Variants in SGSM3 observed in about 807,000 individuals in gnomAD.
SGSM3 encodes small G protein signaling modulator 3.
A neutral mutation model predicts 100.5 loss-of-function variants in SGSM3; 96 were observed. That is an observed-to-expected ratio of 0.96 (90% CI 0.81 to 1.13). The LOEUF (loss-of-function observed/expected upper bound fraction) is 1.13. SGSM3 is among the 50% of genes most tolerant of loss of function. The probability of loss-of-function intolerance (pLI) is 0.00; values close to 1 mark genes in which losing one functional copy is unlikely to be tolerated. For synonymous variants in SGSM3, 483 were observed against 422.8 expected, an observed-to-expected ratio of 1.14 and a Z score of -1.75; for missense variants, 1,001 against 1,015.8, an observed-to-expected ratio of 0.99 and a Z score of 0.20.
Position 40,407,408 on chromosome 22 carries a change from G to A in SGSM3, c.1369-5G>A. 6.2e-7 allele frequency: 1 copy of A among 1,611,572 alleles called. No individual in the cohort carries two copies. The highest frequency in any genetic ancestry group is 8.5e-7 in the Non-Finnish European group (1 of 1,178,670). ...CCCTTGGTGGGCCTGTGTTCACTGT[G>A]GCAGGAGCTGACTCCAGACTATAGC... On this transcript the variant is annotated splice_region_variant and splice_polypyrimidine_tract_variant and intron_variant, in intron 12 of 21. Coordinates refer to ENST00000248929, the MANE Select transcript of SGSM3 (RefSeq NM_015705.6). This position sits in a 1 kb window ranked among gnomAD's most constrained non-coding sequence, Gnocchi z 4.7.
rs1248293618 is a variant in SGSM3 at position 40,407,222 on chromosome 22, T to C, written c.1262T>C (p.Leu421Pro). 1 of 1,613,530 alleles carries C rather than the reference T, an allele frequency of 6.2e-7. No homozygotes were observed. Among genetic ancestry groups the C allele is most frequent in the Non-Finnish European group, 8.5e-7 (1 of 1,179,962 alleles). The part of the protein sequence containing the change: ...LLFGEDDLEA[L>P]KAKNIKQTEL... ...CTAGGGGAGGATGACCTGGAGGCAC[T>C]CAAGGCCAAGAACATCAAGCAGACG... Residue 421 changes from leucine (L) to proline (P), a missense_variant, in exon 12 of 22, where the codon CTC (leucine) becomes CCC (proline). By Grantham distance (98) the Leu-to-Pro change is moderately conservative (BLOSUM62 -3). Coordinates refer to ENST00000248929, the MANE Select transcript of SGSM3 (RefSeq NM_015705.6). The surrounding 1 kb of genome is among the most constrained non-coding windows in gnomAD (Gnocchi z 4.7).
At chr22:40,371,373 C>G (rs2045435798) in intron 1 of SGSM3, among the ~76,000 whole-genome samples, 1 of 152,170 alleles carries the variant, frequency 6.6e-6, no homozygotes, top group South Asian at 2.1e-4. Context: ...TCCAGTCTCA[C>G]GCTGCACGTT....
At chr22:40,395,921 G>C (rs548846082) in intron 1 of SGSM3, among the ~76,000 whole-genome samples, 1 of 152,078 alleles carries the variant, frequency 6.6e-6, no homozygotes, top group African/African-American at 2.4e-5. Flanking sequence ...ATCCACTCTT[G>C]TCTCTCTACA....
chr22:40,407,621 A>G lies in SGSM3; in HGVS notation c.1524+53A>G. ...CCTCAGGCTGTGGCGGGTTCCCCAG[A>G]CTCCCTCCACCAAGCCCCACCCCAA... On this transcript the variant is annotated intron_variant, in intron 13 of 21. Coordinates refer to ENST00000248929, the MANE Select transcript of SGSM3 (RefSeq NM_015705.6). This position sits in a 1 kb window ranked among gnomAD's most constrained non-coding sequence, Gnocchi z 4.7. 1 of 1,583,490 alleles carries G rather than the reference A, an allele frequency of 6.3e-7. No homozygotes were observed. Among genetic ancestry groups the G allele is most frequent in the Non-Finnish European group, 8.6e-7 (1 of 1,168,074 alleles).
chr22:40,391,616 A>G (rs1406777219), intron 1 of SGSM3, among the ~76,000 whole-genome samples: 1 of 152,158 alleles, frequency 6.6e-6, no homozygotes, highest in African/African-American at 2.4e-5. Flanking sequence ...ATCTCAAAAC[A>G]CACCACAAAA....
intron 6 of SGSM3, among the ~76,000 whole-genome samples, chr22:40,404,891 G>T (rs2051246288): frequency 6.6e-6 from 1 of 152,230 alleles, no homozygotes; most frequent in Non-Finnish European, 1.5e-5. Flanking sequence ...TTCAGGAACA[G>T]ATGGGGACTC....
chr22:40,407,599 C>T lies in SGSM3; in HGVS notation c.1524+31C>T. ...TGGGGGCGCTGGACTACCAGGTCCT[C>T]AGGCTGTGGCGGGTTCCCCAGACTC... On this transcript the variant is annotated intron_variant, in intron 13 of 21. Coordinates refer to ENST00000248929, the MANE Select transcript of SGSM3 (RefSeq NM_015705.6). The surrounding 1 kb of genome is among the most constrained non-coding windows in gnomAD (Gnocchi z 4.7). 6.3e-7 allele frequency: 1 copy of T among 1,596,728 alleles called. No homozygotes were observed.
In SGSM3 at chr22:40,407,379, A is replaced by G. The variant is rs201095734; in HGVS notation, c.1369-34A>G. 8.7e-6 allele frequency: 14 copies of G among 1,611,990 alleles called. No individual in the cohort carries two copies. The East Asian group carries it at 2.9e-4, about 33-fold the overall frequency. On this transcript the variant is annotated intron_variant, in intron 12 of 21. Transcript: ENST00000248929. The surrounding 1 kb of genome is among the most constrained non-coding windows in gnomAD (Gnocchi z 4.7). Reference sequence around the variant, plus strand: ...TACCAAACACGGCCCTAACTCCTCCAACCCCCTTGGTGGGCCTGTGTTCAC... The same window carrying G: ...TACCAAACACGGCCCTAACTCCTCCGACCCCCTTGGTGGGCCTGTGTTCAC...
rs1249659525 is a variant in SGSM3, at chr22:40,406,636, G to A, written c.1159G>A (p.Ala387Thr). 1.2e-5 allele frequency: 19 copies of A among 1,607,310 alleles called. No individual in the cohort carries two copies. The highest frequency in any genetic ancestry group is 3.3e-4 in the Middle Eastern group (2 of 5,986). Residue 387 changes from alanine (A) to threonine (T), a missense_variant, in exon 10 of 22, where the codon GCC becomes ACC. Coordinates refer to ENST00000248929, the MANE Select transcript of SGSM3 (RefSeq NM_015705.6). ...TGCAGACCAGGGCCAGCTCCTGGGG[G>A]CCGGCACCCTCACCAACCTCTCTCA... ...LIADQGQLLG[A>T]GTLTNLSQVV...
chr22:40,389,162 A>G (rs2048950571), intron 1 of SGSM3, among the ~76,000 whole-genome samples: 1 of 152,128 alleles, frequency 6.6e-6, no homozygotes, highest in Non-Finnish European at 1.5e-5. Context: ...TAGGAGGAGG[A>G]ACTGGAAAAG....
Position 40,409,666 on chromosome 22 carries a change from G to A in SGSM3, c.2173-16G>A, listed in dbSNP as rs1197896446. ...ATGCCCAAGGCCTGTGAGGTGAGGG[G>A]CTGCCCTGTTTGCAGGCGCAGCAGC... On this transcript the variant is annotated splice_polypyrimidine_tract_variant and intron_variant, in intron 21 of 21. Transcript: ENST00000248929. 1 of 1,613,282 alleles carries A rather than the reference G, an allele frequency of 6.2e-7. No homozygotes were observed. The highest frequency in any genetic ancestry group is 8.5e-7 in the Non-Finnish European group (1 of 1,179,684).
chr22:40,379,955 C>T (rs1472083326), intron 1 of SGSM3, among the ~76,000 whole-genome samples: 1 of 152,130 alleles, frequency 6.6e-6, no homozygotes, highest in Non-Finnish European at 1.5e-5. Flanking sequence ...AAGTGATCCA[C>T]CCTCCTCGGC....
chr22:40,393,763 A>G (rs1055930735), intron 1 of SGSM3, among the ~76,000 whole-genome samples: 1 of 152,190 alleles, frequency 6.6e-6, no homozygotes, highest in African/African-American at 2.4e-5. Context: ...GCATCCTAAT[A>G]TGGCAGAAGG....
intron 17 of SGSM3, 21 bp downstream of exon 17, chr22:40,408,718 C>T (rs2052057027): frequency 6.2e-7 from 1 of 1,613,856 alleles, no homozygotes; most frequent in African/African-American, 1.3e-5. Context: ...CCGGGTTCTT[C>T]TGGTGGGGTC....
In SGSM3 at chr22:40,408,637, G is replaced by A. The variant is rs117951659; in HGVS notation, c.1793G>A (p.Arg598Gln). The stretch of plus-strand genomic sequence containing the variant: ...GTGCTGTCCCCACAGGCTGCAGGCC[G>A]GGAGGTCGAGAGAGACTTTGCCTCC... Reference protein sequence around the residue: ...PWLFIEEAAGREVERDFASVY... With the variant: ...PWLFIEEAAGQEVERDFASVY... The change falls in exon 17 of 22, where the codon CGG becomes CAG. Residue 598 changes from arginine to glutamine, a missense_variant. Arg to Gln is a conservative substitution (Grantham distance 43). Transcript: ENST00000248929. 3.7e-5 allele frequency: 60 copies of A among 1,613,946 alleles called. No individual in the cohort carries two copies. The highest frequency in any genetic ancestry group is 1.7e-4 in the Admixed American group (10 of 60,014).
chr22:40,391,986 T>A (rs541185714), intron 1 of SGSM3, among the ~76,000 whole-genome samples: 1 of 152,334 alleles, frequency 6.6e-6, no homozygotes, highest in Non-Finnish European at 1.5e-5. Flanking sequence ...TTTTTCCCCC[T>A]TAGAGCCTGT....
intron 17 of SGSM3, 30 bp from the exon 18 acceptor site, chr22:40,408,764 G>T: frequency 6.2e-7 from 1 of 1,613,840 alleles, no homozygotes; most frequent in Non-Finnish European, 8.5e-7. Flanking sequence ...ACCCAGCCCC[G>T]GCACCCCAGG....
chr22:40,409,411 G>A (rs763577524), intron 20 of SGSM3, 39 bp downstream of exon 20: 1 of 1,575,054 alleles, frequency 6.3e-7, no homozygotes, highest in Non-Finnish European at 8.6e-7. Flanking sequence ...GAGGTGGGGT[G>A]GGAAGGGCTA....
intron 10 of SGSM3, 78 bp from the exon 11 acceptor site, chr22:40,406,939 A>T: frequency 1.5e-6 from 2 of 1,365,766 alleles, no homozygotes; most frequent in Non-Finnish European, 2.0e-6. Context: ...ATTTCAGATG[A>T]GACAGTATAA....
Sources: allele counts gnomAD v4.1 joint callset (sites outside exome capture counted in the v4.1 genomes callset), GRCh38; gene constraint gnomAD v4.1.1; non-coding constraint Gnocchi (gnomAD v3.1); transcripts MANE v1.5; gene names NCBI Gene and HGNC (gene_info 2026-07-23, HGNC 2026-07-21).